Variants in ADSS1 observed in about 807,000 individuals in gnomAD.
ADSS1 encodes adenylosuccinate synthetase isozyme 1.
In ADSS1, 57 loss-of-function variants were observed where a neutral mutation model predicts 59.1. That is an observed-to-expected ratio of 0.97 (90% CI 0.78 to 1.20). The LOEUF (loss-of-function observed/expected upper bound fraction) is 1.20, where lower values mean the gene tolerates loss of function less well. ADSS1 is among the 50% of genes most tolerant of loss of function. The pLI, the probability that ADSS1 is intolerant of heterozygous loss-of-function variation, is 0.00. For synonymous variants in ADSS1, 247 were observed against 249.4 expected (o/e 0.99, Z 0.09); for missense variants, 603 against 610.3 (o/e 0.99, Z 0.13).
intron 1 of ADSS1, among the ~76,000 whole-genome samples, chr14:104,731,374 G>T (rs1890926390): frequency 6.6e-6 from 1 of 152,204 alleles, no homozygotes; most frequent in South Asian, 2.1e-4. Flanking sequence ...TGTGCAACAT[G>T]GGTGACTGTC....
chr14:104,738,218 G>A (rs1175440794), intron 2 of ADSS1, 158 bp from the exon 3 acceptor site: 43 of 593,192 alleles, frequency 7.2e-5, no homozygotes, highest in African/African-American at 4.7e-4. Context: ...GGCTGGTTTC[G>A]AACTCCTGAC....
chr14:104,743,329 C>G, intron 10 of ADSS1, 138 bp downstream of exon 10: 1 of 1,311,532 alleles, frequency 7.6e-7, no homozygotes, highest in Non-Finnish European at 1.1e-6. Context: ...GACCCTTCCA[C>G]AAAGCACGGC....
chr14:104,729,807 G>C lies in ADSS1; in HGVS notation c.193-5213G>C, dbSNP rs1890845468. ...CGTCGGCGTCGTGGGGAGGAGCGTGGCGTCGGCGTCGTGGGGAGGAGCGTG... is the reference window on the plus strand; with the variant it reads ...CGTCGGCGTCGTGGGGAGGAGCGTGCCGTCGGCGTCGTGGGGAGGAGCGTG... On this transcript the variant is annotated intron_variant, in intron 1 of 12. Transcript: ENST00000330877. 4 of 435,302 alleles carry C rather than the reference G, an allele frequency of 9.2e-6. No individual in the cohort carries two copies. The East Asian group carries it at 1.5e-4, about 16-fold the overall frequency. 27.0% of individuals were successfully genotyped at this position (435,302 alleles called of 1,614,324 possible).
At chr14:104,744,191 C>A (rs114180349) in intron 10 of ADSS1, among the ~76,000 whole-genome samples, 1 of 151,348 alleles carries the variant, frequency 6.6e-6, no homozygotes, top group African/African-American at 2.4e-5. Flanking sequence ...GGAAAGTGCA[C>A]GTGTGGGGAC....
At chr14:104,739,710 TC>T (rs1335496377) in intron 4 of ADSS1, 39 bp from the exon 5 acceptor site, 1 of 1,608,800 alleles carries the variant, frequency 6.2e-7, no homozygotes, top group Non-Finnish European at 8.5e-7. Context: ...CCTCTGCTTC[TC>T]TCCTGTCTCC....
chr14:104,746,551 T>A (rs1891566426), intron 12 of ADSS1, among the ~76,000 whole-genome samples, 166 bp downstream of exon 12: 1 of 152,200 alleles, frequency 6.6e-6, no homozygotes, highest in Non-Finnish European at 1.5e-5. Flanking sequence ...GCAGTGTGGC[T>A]CCGGGCTAGG....
intron 1 of ADSS1, among the ~76,000 whole-genome samples, chr14:104,732,344 C>T (rs1398259359): frequency 1.3e-5 from 2 of 152,230 alleles, no homozygotes; most frequent in Non-Finnish European, 2.9e-5. Context: ...TTGTCCCCAG[C>T]CTCTCACCAC....
chr14:104,737,310 G>A (rs1595204063), intron 2 of ADSS1: 2 of 152,184 alleles, frequency 1.3e-5, no homozygotes, highest in African/African-American at 4.8e-5. Context: ...GCCTTTTCCA[G>A]AATCTCAGAG....
At chr14:104,730,801 G>A (rs1025400826) in intron 1 of ADSS1, among the ~76,000 whole-genome samples, 9 of 152,148 alleles carry the variant, frequency 5.9e-5, no homozygotes, top group Admixed American at 2.0e-4. Context: ...GGGTGGACCC[G>A]CAGGGACAAA....
intron 1 of ADSS1, among the ~76,000 whole-genome samples, chr14:104,724,877 G>A (rs1890675126): frequency 6.6e-6 from 1 of 152,242 alleles, no homozygotes; most frequent in Admixed American, 6.5e-5. Flanking sequence ...GATCACCTGG[G>A]GCCTGTCTGG....
chr14:104,738,796 G>A (rs1259820630), intron 3 of ADSS1, among the ~76,000 whole-genome samples: 1 of 152,246 alleles, frequency 6.6e-6, no homozygotes, highest in Non-Finnish European at 1.5e-5. Flanking sequence ...ATCTGGCCAG[G>A]CACGCAGAGG....
chr14:104,733,205 A>C (rs1890993235), intron 1 of ADSS1, among the ~76,000 whole-genome samples: 1 of 151,596 alleles, frequency 6.6e-6, no homozygotes, highest in Non-Finnish European at 1.5e-5. Flanking sequence ...ATCCCCACCC[A>C]GTTCACCCAG....
chr14:104,728,361 C>T (rs890443011), intron 1 of ADSS1, among the ~76,000 whole-genome samples: 1 of 152,156 alleles, frequency 6.6e-6, no homozygotes. Context: ...CCTGCAGTTA[C>T]ACACAGCCCT....
intron 2 of ADSS1, among the ~76,000 whole-genome samples, chr14:104,736,225 G>A (rs1891116918): frequency 6.6e-6 from 1 of 152,228 alleles, no homozygotes; most frequent in South Asian, 2.1e-4. Flanking sequence ...CAGCAGGGAG[G>A]CCCTAAGCAG....
At position 104,724,330 on chromosome 14, in the gene ADSS1, G is replaced by A. The variant is rs755867684; in HGVS notation, c.60G>A (p.Gly20=). ...RPPGAGGVKR[G]RLQQEAAATG... ...CCGGCGCAGGCGGCGTCAAGCGGGGGCGGCTGCAGCAGGAGGCGGCGGCGA... is the reference window on the plus strand; with the variant it reads ...CCGGCGCAGGCGGCGTCAAGCGGGGACGGCTGCAGCAGGAGGCGGCGGCGA... Residue 20 remains glycine, a synonymous_variant, in exon 1 of 13, where the codon GGG becomes GGA. Coordinates refer to ENST00000330877, the MANE Select transcript of ADSS1 (RefSeq NM_152328.5). 1.8e-5 allele frequency: 22 copies of A among 1,239,992 alleles called. No individual in the cohort carries two copies. In the African/African-American group the frequency reaches 2.9e-4, roughly 17 times the overall value. 76.8% of individuals were successfully genotyped at this position (1,239,992 alleles called of 1,614,324 possible). A position where few individuals can be genotyped will look rare whatever the true frequency, so the allele number is the denominator to read the frequency against.
At chr14:104,741,805 C>A in intron 8 of ADSS1, 43 bp from the exon 9 acceptor site, 1 of 1,606,830 alleles carries the variant, frequency 6.2e-7, no homozygotes, top group Non-Finnish European at 8.5e-7. Context: ...GAATAATCTA[C>A]AGGGGGTGAC....
At chr14:104,744,935 G>T (rs1039307961) in intron 11 of ADSS1, 26 bp downstream of exon 11, 11 of 1,604,802 alleles carry the variant, frequency 6.9e-6, no homozygotes, top group African/African-American at 2.7e-5. Context: ...CAACCGTTCT[G>T]CCTGTTGGGC....
At position 104,740,942 on chromosome 14, in the gene ADSS1, G is replaced by C; in HGVS notation, c.666+22G>C. On this transcript the variant is annotated intron_variant, in intron 7 of 12. Transcript: ENST00000330877. This position sits in a 1 kb window ranked among gnomAD's most constrained non-coding sequence, Gnocchi z 4.8. ...CAAGGTGAAGTCGGGGCCGCAGTGT[G>C]GGGGCTGCGGAAGTGCTCCTCCAGG... is the stretch of plus-strand genomic sequence containing the variant. 3.1e-6 allele frequency: 5 copies of C among 1,613,642 alleles called. No individual in the cohort carries two copies. The highest frequency in any genetic ancestry group is 1.7e-5 in the Admixed American group (1 of 60,024).
At chr14:104,731,617 C>T (rs183612282) in intron 1 of ADSS1, among the ~76,000 whole-genome samples, 58 of 152,328 alleles carry the variant, frequency 3.8e-4, no homozygotes, top group Non-Finnish European at 7.1e-4. Flanking sequence ...GCAGGGCAGC[C>T]GAGGGGTGCC....
Sources: allele counts gnomAD v4.1 joint callset (sites outside exome capture counted in the v4.1 genomes callset), GRCh38; gene constraint gnomAD v4.1.1; non-coding constraint Gnocchi (gnomAD v3.1); transcripts MANE v1.5; gene names NCBI Gene and HGNC (gene_info 2026-07-23, HGNC 2026-07-21).